The following PRPF40B variants were observed in gnomAD, a reference collection of about 807,000 sequenced individuals.
PRPF40B encodes the protein pre-mRNA processing factor 40B.
A neutral mutation model predicts 124.5 loss-of-function variants in PRPF40B; 56 were observed. That is an observed-to-expected ratio of 0.45 (90% CI 0.36 to 0.56). The LOEUF (loss-of-function observed/expected upper bound fraction) is 0.56. Among genes scored for constraint, PRPF40B ranks in the 20% least tolerant of loss-of-function variants. PRPF40B has a pLI of 0.00. For synonymous variants in PRPF40B, 443 were observed against 426.4 expected (o/e 1.04, Z -0.48); for missense variants, 1,053 against 1,169.5 (o/e 0.90, Z 1.45).
chr12:49,643,404 A>G lies in PRPF40B; in HGVS notation c.2380+7A>G. ...TCCCATCTTCTTGGAGCAGGTAAGC[A>G]GTTGCTGTGAGCGTAGAAGCTGGAG... On this transcript the variant is annotated splice_region_variant and intron_variant, in intron 23 of 25. Transcript: ENST00000548825. 1 of 1,545,046 alleles carries G rather than the reference A, an allele frequency of 6.5e-7. No individual in the cohort carries two copies. Among genetic ancestry groups the G allele is most frequent in the Non-Finnish European group, 8.7e-7 (1 of 1,148,530 alleles).
At chr12:49,624,398 A>T (rs1041400941) in intron 1 of PRPF40B, among the ~76,000 whole-genome samples, 1 of 152,332 alleles carries the variant, frequency 6.6e-6, no homozygotes, top group Non-Finnish European at 1.5e-5. Context: ...GATGGTAGAC[A>T]GAAAGCCTGC....
chr12:49,632,996 G>GGGGGGGGGCCCCCCCCCC lies in PRPF40B; in HGVS notation c.349-18_349-17insGGGGGGGGCCCCCCCCCC. The GGGGGGGGGCCCCCCCCCC allele has an allele frequency of 1.7e-6, 2 of 1,147,396 alleles. No homozygotes were observed. The highest frequency in any genetic ancestry group is 2.4e-6 in the Non-Finnish European group (2 of 823,010). 71.1% of individuals were successfully genotyped at this position (1,147,396 alleles called of 1,614,324 possible). A position where few individuals can be genotyped will look rare whatever the true frequency, so the allele number is the denominator to read the frequency against. On this transcript the variant is annotated splice_polypyrimidine_tract_variant and intron_variant, in intron 6 of 25. Coordinates refer to ENST00000548825, the MANE Select transcript of PRPF40B (RefSeq NM_001031698.3). Reference sequence around the variant, plus strand: ...AAAGGGGCCTTGACCACCATTCTGTGCCCCCCCCCCCACCCAGAGGGCCCT... The same window carrying GGGGGGGGGCCCCCCCCCC: ...AAAGGGGCCTTGACCACCATTCTGTGGGGGGGGGCCCCCCCCCCCCCCCCCCCCCACCCAGAGGGCCCT...
intron 22 of PRPF40B, 85 bp downstream of exon 22, chr12:49,643,101 C>A: frequency 4.4e-6 from 7 of 1,587,068 alleles, no homozygotes; most frequent in Non-Finnish European, 6.0e-6. Flanking sequence ...ACAATATCTC[C>A]CTTGGAGGGA....
In PRPF40B at chr12:49,631,322, T is replaced by C; in HGVS notation, c.85-79T>C. 1 of 1,049,678 alleles carries C rather than the reference T, an allele frequency of 9.5e-7. No individual in the cohort carries two copies. The highest frequency in any genetic ancestry group is 1.4e-6 in the Non-Finnish European group (1 of 738,868). 65.0% of individuals were successfully genotyped at this position (1,049,678 alleles called of 1,614,324 possible). On this transcript the variant is annotated intron_variant, in intron 2 of 25. Coordinates refer to ENST00000548825, the MANE Select transcript of PRPF40B (RefSeq NM_001031698.3). This position sits in a 1 kb window ranked among gnomAD's most constrained non-coding sequence, Gnocchi z 4.3. ...GAGGGTTGGGGAGGGAGGTGGTGGA[T>C]ATTTCCTGACAGGTCCTCTCTACCT... is the stretch of plus-strand genomic sequence containing the variant.
chr12:49,637,851 A>G, intron 18 of PRPF40B, 27 bp downstream of exon 18: 1 of 1,550,404 alleles, frequency 6.4e-7, no homozygotes, highest in South Asian at 1.1e-5. Context: ...TTATGGATGG[A>G]TACAGGATGG....
Position 49,644,367 on chromosome 12 carries a change from T to A in PRPF40B, c.*175T>A. Reference sequence around the variant, plus strand: ...CAAGGTTGCTCTTGGTGTTCAAGGGTCCCCTACTCCCTGGACTAGTGCAGT... The same window carrying A: ...CAAGGTTGCTCTTGGTGTTCAAGGGACCCCTACTCCCTGGACTAGTGCAGT... On this transcript the variant is annotated 3_prime_UTR_variant, in exon 26 of 26. Transcript: ENST00000548825. 1.4e-6 allele frequency: 1 copy of A among 708,746 alleles called. No homozygotes were observed. The highest frequency in any genetic ancestry group is 2.4e-6 in the Non-Finnish European group (1 of 414,986). 43.9% of individuals were successfully genotyped at this position (708,746 alleles called of 1,614,324 possible).
In PRPF40B at chr12:49,633,451, A is replaced by G. The variant is rs1390628472; in HGVS notation, c.484A>G (p.Lys162Glu). The G allele has an allele frequency of 2.5e-6, 4 of 1,614,038 alleles. No homozygotes were observed. The highest frequency in any genetic ancestry group is 2.2e-5 in the East Asian group (1 of 44,888). The change falls in exon 8 of 26, where the codon AAA becomes GAA. Residue 162 changes from lysine to glutamate, a missense_variant. This residue lies in a region of PRPF40B where 895 missense variants were observed against 1,052.2 expected (regional missense o/e 0.85). Coordinates refer to ENST00000548825, the MANE Select transcript of PRPF40B (RefSeq NM_001031698.3). The stretch of plus-strand genomic sequence containing the variant: ...GCTGCTCCTGTCCCAATGTCCCTGG[A>G]AAGAGTACAAGTCGGACACAGGCAA... ...AELLLSQCPW[K>E]EYKSDTGKPY...
rs777735176 is a variant in PRPF40B, at chr12:49,636,741, C to G, written c.1452C>G (p.Ile484Met). The G allele has an allele frequency of 1.9e-6, 3 of 1,614,206 alleles. No homozygotes were observed. Among genetic ancestry groups the G allele is most frequent in the Non-Finnish European group, 2.5e-6 (3 of 1,180,036 alleles). Residue 484 changes from isoleucine (I) to methionine (M), a missense_variant, in exon 16 of 26, where the codon ATC becomes ATG. Coordinates refer to ENST00000548825, the MANE Select transcript of PRPF40B (RefSeq NM_001031698.3). The stretch of plus-strand genomic sequence containing the variant: ...ACATGGACAAGGAAGATGCACTGAT[C>G]TGTTTTGAGGAGCACATCCGAGCTT... ...LQNMDKEDAL[I>M]CFEEHIRALE...
At chr12:49,628,785 C>T (rs186221839) in intron 1 of PRPF40B, among the ~76,000 whole-genome samples, 1 of 151,726 alleles carries the variant, frequency 6.6e-6, no homozygotes, top group East Asian at 1.9e-4. Flanking sequence ...CCAGGATGGC[C>T]TCGATCTCCT....
Position 49,630,576 on chromosome 12 carries a change from C to A in PRPF40B, c.35C>A (p.Ala12Glu). 3 of 1,422,932 alleles carry A rather than the reference C, an allele frequency of 2.1e-6. No individual in the cohort carries two copies. The highest frequency in any genetic ancestry group is 3.0e-6 in the Non-Finnish European group (3 of 1,012,280). The allele number at this position is 1,422,932 out of a possible 1,614,324, so 88.1% of individuals were successfully genotyped here. Residue 12 changes from alanine (A) to glutamate (E), a missense_variant, in exon 2 of 26, where the codon GCA becomes GAA. Physicochemically the swap from Ala to Glu is moderately radical, Grantham distance 107. This residue lies in a region of PRPF40B where 158 missense variants were observed against 117.3 expected (regional missense o/e 1.35). Transcript: ENST00000548825. ...SVPDSGPRPP[A>E]APAPFPPGPP... ...CCCGATTCTGGTCCCCGGCCCCCAG[C>A]AGCGCCTGCCCCCTTCCCACCGGGG...
chr12:49,625,006 T>C lies in PRPF40B; in HGVS notation c.3+1413T>C, dbSNP rs182470132. Among the ~76,000 whole-genome samples, 5 of 152,192 alleles carry C rather than the reference T, an allele frequency of 3.3e-5. No individual in the cohort carries two copies. The East Asian group carries it at 9.6e-4, about 29-fold the overall frequency. On this transcript the variant is annotated intron_variant, in intron 1 of 25. Coordinates refer to ENST00000548825, the MANE Select transcript of PRPF40B (RefSeq NM_001031698.3). ...GGGGCAGCTGAAGAAGGGCCGCAGG[T>C]AGATCACAGGGTAACCAGCTGGTCT...
Position 49,633,564 on chromosome 12 carries a change from G to C in PRPF40B, c.580+17G>C. On this transcript the variant is annotated intron_variant, in intron 8 of 25. Transcript: ENST00000548825. ...ACCTAGAGGGTGAGATGTCCTACGGGTGGGCCAGGTCAGGAGCTCTGGGGG... is the reference window on the plus strand; with the variant it reads ...ACCTAGAGGGTGAGATGTCCTACGGCTGGGCCAGGTCAGGAGCTCTGGGGG... 1 of 1,614,236 alleles carries C rather than the reference G, an allele frequency of 6.2e-7. No homozygotes were observed. The highest frequency in any genetic ancestry group is 1.1e-5 in the South Asian group (1 of 91,086).
chr12:49,624,816 G>C (rs1270062921), intron 1 of PRPF40B, among the ~76,000 whole-genome samples: 1 of 149,794 alleles, frequency 6.7e-6, no homozygotes, highest in South Asian at 2.1e-4. Context: ...TTGCACTCCA[G>C]TCTGGGCAAC....
rs778014680 is a variant in PRPF40B, at chr12:49,637,498, G to A, written c.1589G>A (p.Gly530Glu). The A allele has an allele frequency of 2.6e-5, 42 of 1,613,442 alleles. No individual in the cohort carries two copies. The highest frequency in any genetic ancestry group is 3.6e-5 in the Non-Finnish European group (42 of 1,179,944). The change falls in exon 17 of 26, where the codon GGG becomes GAG. Residue 530 changes from glycine to glutamate, a missense_variant. By Grantham distance (98) the Gly-to-Glu change is moderately conservative (BLOSUM62 -2). Coordinates refer to ENST00000548825, the MANE Select transcript of PRPF40B (RefSeq NM_001031698.3). ...QTFLDELHET[G>E]QLHSMSTWME... Reference sequence around the variant, plus strand: ...TTCCTGGACGAGCTGCATGAGACAGGGCAGCTGCACTCTATGTCCACCTGG... The same window carrying A: ...TTCCTGGACGAGCTGCATGAGACAGAGCAGCTGCACTCTATGTCCACCTGG...
chr12:49,623,477 C>A, upstream of PRPF40B: 1 of 1,161,138 alleles, frequency 8.6e-7, no homozygotes, highest in Non-Finnish European at 1.1e-6. Flanking sequence ...GAGCCCCGGC[C>A]ACGAAGGGGT....
chr12:49,641,249 C>G (rs1278366564), intron 18 of PRPF40B: 1 of 152,238 alleles, frequency 6.6e-6, no homozygotes, highest in Non-Finnish European at 1.5e-5. Context: ...ACCTGGTGGC[C>G]TCCGTTTCTC....
chr12:49,632,756 A>G (rs1181832169), intron 5 of PRPF40B, 99 bp from the exon 6 acceptor site: 14 of 1,599,546 alleles, frequency 8.8e-6, no homozygotes, highest in Non-Finnish European at 1.1e-5. Context: ...TGATGGGACC[A>G]GGGGACTATT....
intron 1 of PRPF40B, among the ~76,000 whole-genome samples, chr12:49,627,548 GAGA>G (rs1474885676): frequency 6.6e-6 from 1 of 152,168 alleles, no homozygotes; most frequent in African/African-American, 2.4e-5. Flanking sequence ...GGAGAGCTGA[GAGA>G]AGGTGAGTAG....
At chr12:49,632,068 CCTT>C in intron 4 of PRPF40B, 143 bp downstream of exon 4, 1 of 799,916 alleles carries the variant, frequency 1.3e-6, no homozygotes, top group South Asian at 1.4e-5. Flanking sequence ...ACACTCAAAT[CCTT>C]CTCGCCAGCC....
Sources: allele counts gnomAD v4.1 joint callset (sites outside exome capture counted in the v4.1 genomes callset), GRCh38; gene constraint gnomAD v4.1.1; regional missense constraint gnomAD v4.1.1; non-coding constraint Gnocchi (gnomAD v3.1); transcripts MANE v1.5; gene names NCBI Gene and HGNC (gene_info 2026-07-23, HGNC 2026-07-21).